The following PRKCE variants were observed in gnomAD, a reference collection of about 807,000 sequenced individuals.
The protein encoded by PRKCE is protein kinase C epsilon type.
PRKCE carries 16 observed loss-of-function variants against 85.4 expected under a neutral mutation model. The ratio of observed to expected loss-of-function variants is 0.19; its 90% CI spans 0.13 to 0.28. The LOEUF (loss-of-function observed/expected upper bound fraction) is 0.28. PRKCE is among the 10% of genes least tolerant of loss of function. The pLI, the probability that PRKCE is intolerant of heterozygous loss-of-function variation, is 1.00. For synonymous variants in PRKCE, 388 were observed against 371.5 expected (o/e 1.04, Z -0.51); for missense variants, 573 against 975.2 (o/e 0.59, Z 5.49).
At chr2:45,698,913 A>T (rs989109166) in intron 1 of PRKCE, among the ~76,000 whole-genome samples, 3 of 152,214 alleles carry the variant, frequency 2.0e-5, no homozygotes, top group African/African-American at 7.2e-5. Flanking sequence ...CCATGGACTT[A>T]GAAATTCACC....
At chr2:45,743,155 T>C (rs2104660407) in intron 1 of PRKCE, among the ~76,000 whole-genome samples, 1 of 152,232 alleles carries the variant, frequency 6.6e-6, no homozygotes, top group East Asian at 1.9e-4. Context: ...GCACAAACTT[T>C]CAATTATAAG....
chr2:46,158,911 C>G (rs978608039), intron 13 of PRKCE, among the ~76,000 whole-genome samples: 4 of 152,086 alleles, frequency 2.6e-5, no homozygotes, highest in African/African-American at 9.7e-5. Context: ...GTGTAGGGAT[C>G]GCCAGACACC....
At chr2:46,104,441 G>C (rs1224214731) in intron 11 of PRKCE, among the ~76,000 whole-genome samples, 3 of 151,874 alleles carry the variant, frequency 2.0e-5, no homozygotes, top group Non-Finnish European at 4.4e-5. Context: ...GGCTTTCATG[G>C]CTTTTTCTAG....
intron 2 of PRKCE, among the ~76,000 whole-genome samples, chr2:45,871,470 G>A (rs1018333273): frequency 1.3e-5 from 2 of 152,168 alleles, no homozygotes; most frequent in African/African-American, 4.8e-5. Flanking sequence ...CCGTGGCTTT[G>A]CTTTCTCTTG....
intron 5 of PRKCE, among the ~76,000 whole-genome samples, chr2:45,983,444 G>A (rs1703054976): frequency 6.6e-6 from 1 of 152,212 alleles, no homozygotes; most frequent in Non-Finnish European, 1.5e-5. Flanking sequence ...GGGGCTGGGG[G>A]TGCAGCTGCT....
rs147957790 is a variant in PRKCE, at chr2:45,761,821, G to A, written c.349-81179G>A. 1.8e-4 allele frequency among the ~76,000 whole-genome samples: 28 copies of A among 152,198 alleles called. No homozygotes were observed. In the East Asian group the frequency reaches 5.2e-3, roughly 28 times the overall value. ...CATATTCTGATCCCTGAGCCACCCC[G>A]CTTTCTCACCCTTCCTGCTTGAGCC... On this transcript the variant is annotated intron_variant, in intron 1 of 14. Coordinates refer to ENST00000306156, the MANE Select transcript of PRKCE (RefSeq NM_005400.3).
intron 11 of PRKCE, among the ~76,000 whole-genome samples, chr2:46,104,665 A>G (rs150321192): frequency 6.6e-6 from 1 of 152,280 alleles, no homozygotes; most frequent in African/African-American, 2.4e-5. Context: ...TGTTCAACTT[A>G]TGAGGTTCCA....
intron 2 of PRKCE, among the ~76,000 whole-genome samples, chr2:45,974,272 C>G (rs1179495496): frequency 4.6e-5 from 7 of 152,232 alleles, no homozygotes; most frequent in Non-Finnish European, 1.0e-4. Context: ...GTTGCTGTCT[C>G]TATACTAGAA....
intron 1 of PRKCE, among the ~76,000 whole-genome samples, chr2:45,699,077 C>T (rs1417717329): frequency 6.6e-6 from 1 of 152,096 alleles, no homozygotes; most frequent in Non-Finnish European, 1.5e-5. Context: ...ATACCTCAGG[C>T]AGGTGGGGTG....
intron 1 of PRKCE, among the ~76,000 whole-genome samples, chr2:45,655,090 G>C (rs572184968): frequency 6.6e-6 from 1 of 152,202 alleles, no homozygotes; most frequent in Non-Finnish European, 1.5e-5. Flanking sequence ...GCCGCACTTT[G>C]AATTCACTTG....
At chr2:45,936,854 A>T (rs1417438302) in intron 2 of PRKCE, among the ~76,000 whole-genome samples, 5 of 152,098 alleles carry the variant, frequency 3.3e-5, no homozygotes, top group Non-Finnish European at 7.4e-5. Context: ...TACCGCAGGT[A>T]TGTGTTCTTA....
In PRKCE at chr2:46,004,740, T is replaced by C; in HGVS notation, c.1063+102T>C. The C allele has an allele frequency of 1.0e-6, 1 of 993,330 alleles. No homozygotes were observed. The highest frequency in any genetic ancestry group is 1.5e-6 in the Non-Finnish European group (1 of 659,990). The allele number at this position is 993,330 out of a possible 1,614,324, so 61.5% of individuals were successfully genotyped here. A position where few individuals can be genotyped will look rare whatever the true frequency, so the allele number is the denominator to read the frequency against. On this transcript the variant is annotated intron_variant, in intron 8 of 14. Transcript: ENST00000306156. The surrounding 1 kb of genome is among the most constrained non-coding windows in gnomAD (Gnocchi z 4.1). ...CCAAGAGTGAGCTTGTTAGCTGAAA[T>C]AGCTAGCAGCCCTGGTGGGTTTTCA... is the stretch of plus-strand genomic sequence containing the variant.
chr2:45,736,581 C>T (rs988909152), intron 1 of PRKCE, among the ~76,000 whole-genome samples: 5 of 152,218 alleles, frequency 3.3e-5, no homozygotes, highest in East Asian at 1.9e-4. Flanking sequence ...GCTCTGACTT[C>T]CTGACACTGC....
rs763347412 is a variant in PRKCE, at chr2:46,139,484, C to A, written c.1593-5609C>A. On this transcript the variant is annotated intron_variant, in intron 11 of 14. Coordinates refer to ENST00000306156, the MANE Select transcript of PRKCE (RefSeq NM_005400.3). The surrounding 1 kb of genome is among the most constrained non-coding windows in gnomAD (Gnocchi z 5.2). Reference sequence around the variant, plus strand: ...GATTCCATTGCAATTAACACATAAACCCAAAACAACTGTGCTCTAAATAAG... The same window carrying A: ...GATTCCATTGCAATTAACACATAAAACCAAAACAACTGTGCTCTAAATAAG... Among the ~76,000 whole-genome samples, 3 of 152,140 alleles carry A rather than the reference C, an allele frequency of 2.0e-5. No homozygotes were observed. The highest frequency in any genetic ancestry group is 2.9e-5 in the Non-Finnish European group (2 of 68,002).
chr2:46,105,816 A>C (rs577321650), intron 11 of PRKCE, among the ~76,000 whole-genome samples: 5 of 152,218 alleles, frequency 3.3e-5, no homozygotes, highest in Non-Finnish European at 7.3e-5. Context: ...TATTATACTA[A>C]TACAGTATGC....
chr2:45,668,138 C>G (rs990377471), intron 1 of PRKCE, among the ~76,000 whole-genome samples: 1 of 152,076 alleles, frequency 6.6e-6, no homozygotes, highest in Non-Finnish European at 1.5e-5. Context: ...GTCAGGAGTT[C>G]GAGACCAGCC....
At chr2:45,760,131 G>A (rs1398164490) in intron 1 of PRKCE, among the ~76,000 whole-genome samples, 1 of 152,188 alleles carries the variant, frequency 6.6e-6, no homozygotes, top group Non-Finnish European at 1.5e-5. Flanking sequence ...GAGGAGGCAG[G>A]CTGTGAAAAG....
intron 10 of PRKCE, among the ~76,000 whole-genome samples, chr2:46,083,682 A>G (rs1364229078): frequency 6.6e-6 from 1 of 152,170 alleles, no homozygotes; most frequent in Non-Finnish European, 1.5e-5. Context: ...TTGCCCGGAA[A>G]CTTGTTAGAG....
chr2:45,950,323 C>T (rs556880085), intron 2 of PRKCE, among the ~76,000 whole-genome samples: 2 of 152,314 alleles, frequency 1.3e-5, no homozygotes, highest in South Asian at 2.1e-4. Flanking sequence ...CTGCTTTATA[C>T]ACCAGACCAT....
Sources: allele counts gnomAD v4.1 joint callset (sites outside exome capture counted in the v4.1 genomes callset), GRCh38; gene constraint gnomAD v4.1.1; non-coding constraint Gnocchi (gnomAD v3.1); transcripts MANE v1.5; gene names NCBI Gene and HGNC (gene_info 2026-07-23, HGNC 2026-07-21).